CDC123: variants seen among roughly 807,000 people sequenced by gnomAD.
CDC123 encodes the protein translation initiation factor eIF2 assembly protein.
Under a neutral mutation model 54.4 loss-of-function variants are expected in CDC123, and 37 were observed. The ratio of observed to expected loss-of-function variants is 0.68; its 90% CI spans 0.52 to 0.89. The LOEUF (loss-of-function observed/expected upper bound fraction) is 0.89, where lower values mean the gene tolerates loss of function less well. Among genes scored for constraint, CDC123 ranks in the 40% least tolerant of loss-of-function variants. The pLI is 0.00. For missense variants in CDC123, 361 were observed against 412.1 expected (o/e 0.88, Z 1.07); for synonymous variants, 144 against 136.8 (o/e 1.05, Z -0.37).
At chr10:12,243,798 A>G (rs1836092093) in intron 10 of CDC123, among the ~76,000 whole-genome samples, 1 of 151,892 alleles carries the variant, frequency 6.6e-6, no homozygotes, top group Non-Finnish European at 1.5e-5. Context: ...AAAAAAAAAA[A>G]GAAAGTCAAG....
In CDC123 at chr10:12,198,737, A is replaced by AT; in HGVS notation, c.109dup (p.Tyr37LeufsTer5). On this transcript the variant is annotated frameshift_variant, in exon 2 of 13. Transcript: ENST00000281141. LOFTEE classifies it high-confidence loss of function. ...CTTCCACTTCCTCAGAATGTGAAGGATTATTTACTCGATGATGGAACTCTG... is the reference window on the plus strand; with the variant it reads ...CTTCCACTTCCTCAGAATGTGAAGGATTTATTTACTCGATGATGGAACTCTG... The AT allele has an allele frequency of 6.3e-7, 1 of 1,597,806 alleles. No individual in the cohort carries two copies.
intron 11 of CDC123, 40 bp downstream of exon 11, chr10:12,246,317 A>G (rs752338949): frequency 1.2e-6 from 2 of 1,608,336 alleles, no homozygotes; most frequent in Admixed American, 1.7e-5. Flanking sequence ...AAACCTTTCC[A>G]GTCTACTGAC....
At chr10:12,226,354 G>A (rs988867519) in intron 6 of CDC123, among the ~76,000 whole-genome samples, 1 of 148,798 alleles carries the variant, frequency 6.7e-6, no homozygotes, top group Non-Finnish European at 1.5e-5. Flanking sequence ...CCGGGCGGGG[G>A]CTGCCCCCCA....
chr10:12,237,095 T>C lies in CDC123; in HGVS notation c.566-49T>C, dbSNP rs764425401. 2.0e-6 allele frequency: 3 copies of C among 1,465,732 alleles called. No individual in the cohort carries two copies. The African/African-American group carries it at 4.4e-5, about 21-fold the overall frequency. The allele number at this position is 1,465,732 out of a possible 1,614,324, so 90.8% of individuals were successfully genotyped here. A position where few individuals can be genotyped will look rare whatever the true frequency, so the allele number is the denominator to read the frequency against. The stretch of plus-strand genomic sequence containing the variant: ...ATGTTTAAATCACGTATTGATGTTT[T>C]TGAAAAGAATATTGTATAATAACAG... On this transcript the variant is annotated intron_variant, in intron 8 of 12. Coordinates refer to ENST00000281141, the MANE Select transcript of CDC123 (RefSeq NM_006023.3).
intron 10 of CDC123, among the ~76,000 whole-genome samples, chr10:12,242,184 A>G (rs1470482535): frequency 6.6e-6 from 1 of 152,142 alleles, no homozygotes; most frequent in African/African-American, 2.4e-5. Flanking sequence ...TGTACGTGAG[A>G]GCCGTCGTTC....
At chr10:12,227,871 G>C (rs1835848133) in intron 6 of CDC123, among the ~76,000 whole-genome samples, 1 of 152,128 alleles carries the variant, frequency 6.6e-6, no homozygotes, top group Non-Finnish European at 1.5e-5. Flanking sequence ...TCAATATGCT[G>C]ATCCTTGGGG....
At chr10:12,205,058 C>T (rs1025344089) in intron 2 of CDC123, among the ~76,000 whole-genome samples, 6 of 151,894 alleles carry the variant, frequency 4.0e-5, no homozygotes, top group Non-Finnish European at 8.8e-5. Flanking sequence ...TCATTAACCC[C>T]CACCTCCTCA....
intron 7 of CDC123, among the ~76,000 whole-genome samples, chr10:12,232,488 A>G (rs571898026): frequency 2.6e-5 from 4 of 152,070 alleles, no homozygotes; most frequent in Non-Finnish European, 5.9e-5. Context: ...ATATTGATGT[A>G]TCTTTTAGGA....
chr10:12,199,526 T>C (rs1307848192), intron 2 of CDC123, among the ~76,000 whole-genome samples: 1 of 152,188 alleles, frequency 6.6e-6, no homozygotes, highest in Non-Finnish European at 1.5e-5. Context: ...CCCCAGCTCA[T>C]GGAACAGTGC....
At chr10:12,242,479 T>TAAA (rs1476988591) in intron 10 of CDC123, among the ~76,000 whole-genome samples, 1 of 152,202 alleles carries the variant, frequency 6.6e-6, no homozygotes, top group Non-Finnish European at 1.5e-5. Context: ...GATTTTGTGT[T>TAAA]ACGATCTTCA....
Position 12,200,120 on chromosome 10 carries a change from ATT to A in CDC123, c.146+1366_146+1367del, listed in dbSNP as rs543337462. Among the ~76,000 whole-genome samples the A allele has an allele frequency of 2.7e-3, 159 of 59,374 alleles. 2 individuals carry two copies. The highest frequency in any genetic ancestry group is 7.8e-3 in the South Asian group (8 of 1,030). 39.0% of individuals were successfully genotyped at this position (59,374 alleles called of 152,430 possible). ...ATAGGCCTGAGCCACCGCACTCGGC[ATT>A]TTTTTTTTTTTTTTTTTTTTTAAAG... On this transcript the variant is annotated intron_variant, in intron 2 of 12. Transcript: ENST00000281141.
chr10:12,220,929 A>T (rs1483619807), intron 6 of CDC123, among the ~76,000 whole-genome samples: 1 of 151,952 alleles, frequency 6.6e-6, no homozygotes, highest in African/African-American at 2.4e-5. Context: ...GTGAGCTGAG[A>T]TCGCGCCACT....
Position 12,222,080 on chromosome 10 carries a change from C to G in CDC123, c.440+4613C>G, listed in dbSNP as rs114859682. On this transcript the variant is annotated intron_variant, in intron 6 of 12. Coordinates refer to ENST00000281141, the MANE Select transcript of CDC123 (RefSeq NM_006023.3). ...GTGGATCCGCTGGTCCAGGCCCACGCCTTGGTGGCTGCTTAGATGAGTCAG... is the reference window on the plus strand; with the variant it reads ...GTGGATCCGCTGGTCCAGGCCCACGGCTTGGTGGCTGCTTAGATGAGTCAG... 4.6e-3 allele frequency among the ~76,000 whole-genome samples: 703 copies of G among 152,296 alleles called. 6 individuals carry two copies. Among genetic ancestry groups the G allele is most frequent in the African/African-American group, 0.016 (674 of 41,560 alleles).
intron 6 of CDC123, among the ~76,000 whole-genome samples, chr10:12,221,804 A>AT (rs1007940902): frequency 6.7e-5 from 10 of 149,414 alleles, no homozygotes; most frequent in African/African-American, 2.0e-4. Flanking sequence ...TTATTTACTT[A>AT]TTTTTTAGCT....
chr10:12,237,154 A>G lies in CDC123; in HGVS notation c.576A>G (p.Gln192=), dbSNP rs754056822. 2.6e-6 allele frequency: 4 copies of G among 1,538,322 alleles called. No individual in the cohort carries two copies. Among genetic ancestry groups the G allele is most frequent in the African/African-American group, 1.4e-5 (1 of 70,592 alleles). Reference sequence around the variant, plus strand: ...ATATTTTCTTGTCAGGTATTTCTCAAAGAGACTACACACAATACTATGATC... The same window carrying G: ...ATATTTTCTTGTCAGGTATTTCTCAGAGAGACTACACACAATACTATGATC... ...VKENKLIGIS[Q]RDYTQYYDHI... is the part of the protein sequence containing the mutation. The change falls in exon 9 of 13, where the codon CAA becomes CAG. Residue 192 remains glutamine (Q), a synonymous_variant. Coordinates refer to ENST00000281141, the MANE Select transcript of CDC123 (RefSeq NM_006023.3).
At chr10:12,201,913 C>T (rs1835445400) in intron 2 of CDC123, among the ~76,000 whole-genome samples, 1 of 152,104 alleles carries the variant, frequency 6.6e-6, no homozygotes, top group African/African-American at 2.4e-5. Flanking sequence ...GAGCTTGCAC[C>T]TTCAGAACTT....
At chr10:12,200,933 C>CAA (rs35686650) in intron 2 of CDC123, among the ~76,000 whole-genome samples, 36 of 148,010 alleles carry the variant, frequency 2.4e-4, no homozygotes, top group South Asian at 4.3e-4. Flanking sequence ...AACTTCGTCT[C>CAA]AAAAAAAAAA....
At chr10:12,203,680 G>A (rs1164467176) in intron 2 of CDC123, among the ~76,000 whole-genome samples, 1 of 152,184 alleles carries the variant, frequency 6.6e-6, no homozygotes, top group African/African-American at 2.4e-5. Flanking sequence ...CGGGCACCAA[G>A]CTTGATACTA....
rs747491256 is a variant in CDC123, at chr10:12,196,254, G to A, written c.9G>A (p.Lys3=). 3 of 1,613,976 alleles carry A rather than the reference G, an allele frequency of 1.9e-6. No homozygotes were observed. The highest frequency in any genetic ancestry group is 1.7e-5 in the Admixed American group (1 of 60,004). The change falls in exon 1 of 13, where the codon AAG becomes AAA. Residue 3 remains lysine, a synonymous_variant. Transcript: ENST00000281141. The stretch of plus-strand genomic sequence containing the variant: ...GCGGCGGCAGCTGGAGGATGAAGAA[G>A]GAGCATGTGCTTCACTGCCAGTTCT... MK[K]EHVLHCQFSA...
Sources: gnomAD v4.1 joint callset for allele counts (sites outside exome capture counted in the v4.1 genomes callset) on GRCh38, gnomAD v4.1.1 for gene constraint, MANE v1.5 for transcripts, NCBI Gene and HGNC (gene_info 2026-07-23, HGNC 2026-07-21) for gene names.